Variants in SEL1L3 observed in about 807,000 individuals in gnomAD.
The protein encoded by SEL1L3 is protein sel-1 homolog 3.
A neutral mutation model predicts 142.8 loss-of-function variants in SEL1L3; 76 were observed. The ratio of observed to expected loss-of-function variants is 0.53; its 90% CI spans 0.44 to 0.64. SEL1L3 has a LOEUF of 0.64. Ranked by LOEUF, SEL1L3 falls within the 30% of genes least tolerant of loss-of-function variation. The pLI is 0.00. For synonymous variants in SEL1L3, 504 were observed against 519.6 expected (o/e 0.97, Z 0.41); for missense variants, 1,262 against 1,381.7 (o/e 0.91, Z 1.37).
At chr4:25,732,385 G>T in the SEL1L3 span, among the ~76,000 whole-genome samples, 70 of 152,222 alleles carry the variant, frequency 4.6e-4, no homozygotes, top group Non-Finnish European at 1.3e-4. Context: ...ATACTAACTT[G>T]GGAAGTGTAT....
chr4:25,820,511 C>T (rs537336232), intron 7 of SEL1L3, among the ~76,000 whole-genome samples: 45 of 152,340 alleles, frequency 3.0e-4, no homozygotes, highest in South Asian at 2.1e-3. Context: ...CGAAAGGGAG[C>T]GCCTCAGGAA....
chr4:25,741,344 G>A, the SEL1L3 span, among the ~76,000 whole-genome samples: 7 of 151,486 alleles, frequency 4.6e-5, no homozygotes, highest in South Asian at 8.4e-4. Context: ...CAAGTAATCC[G>A]CCCGCCTCAG....
In SEL1L3 at chr4:25,860,254, T is replaced by C. The variant is rs1052718269; in HGVS notation, c.162+2421A>G. 2.6e-5 allele frequency among the ~76,000 whole-genome samples: 4 copies of C among 152,208 alleles called. No homozygotes were observed. In the East Asian group the frequency reaches 7.7e-4, roughly 29 times the overall value. ...TATTACCATGTAGGCTTTCAAATTA[T>C]GAAAGACCTTTCCTCCTCTAGAGTC... On this transcript the variant is annotated intron_variant, in intron 1 of 23. Coordinates refer to ENST00000399878, the MANE Select transcript of SEL1L3 (RefSeq NM_015187.5).
intron 2 of SEL1L3, among the ~76,000 whole-genome samples, chr4:25,836,294 T>A (rs539839183): frequency 6.6e-6 from 1 of 152,302 alleles, no homozygotes; most frequent in South Asian, 2.1e-4. Context: ...AATTTTTGGT[T>A]TTCCCTATTC....
chr4:25,820,345 A>G (rs1714669229), intron 7 of SEL1L3, among the ~76,000 whole-genome samples: 1 of 152,148 alleles, frequency 6.6e-6, no homozygotes, highest in African/African-American at 2.4e-5. Context: ...AACCTCCAAG[A>G]GCTGGCTGCA....
At chr4:25,820,725 A>G (rs928529249) in intron 7 of SEL1L3, among the ~76,000 whole-genome samples, 1 of 152,196 alleles carries the variant, frequency 6.6e-6, no homozygotes, top group Non-Finnish European at 1.5e-5. Context: ...GTGTGAATAT[A>G]TGTATGCATA....
chr4:25,832,931 T>C (rs1715535076), intron 5 of SEL1L3, 64 bp downstream of exon 5: 4 of 1,008,136 alleles, frequency 4.0e-6, no homozygotes, highest in East Asian at 4.8e-5. Flanking sequence ...CCCGGCTTTA[T>C]AGCAATGCTT....
chr4:25,798,695 G>T lies in SEL1L3; in HGVS notation c.1956+3588C>A, dbSNP rs570135050. 5.1e-4 allele frequency among the ~76,000 whole-genome samples: 77 copies of T among 152,312 alleles called. 1 individual carries two copies. In the Middle Eastern group the frequency reaches 0.017, roughly 34 times the overall value. On this transcript the variant is annotated intron_variant, in intron 11 of 23. Transcript: ENST00000399878. Reference sequence around the variant, plus strand: ...ATACAAAAATTAGCCGGGCGTGGTGGCACATGCCTGTAGTCCCAGCTACTC... The same window carrying T: ...ATACAAAAATTAGCCGGGCGTGGTGTCACATGCCTGTAGTCCCAGCTACTC...
rs149337966 is a variant in SEL1L3 at position 25,757,842 on chromosome 4, G to A, written c.3084-52C>T. On this transcript the variant is annotated intron_variant, in intron 21 of 23. Transcript: ENST00000399878. ...ACGTGTCAGCCAACTTTGGTGGCAC[G>A]ACTCAGGACTGGCATTTTCAGATCC... 65 of 1,294,896 alleles carry A rather than the reference G, an allele frequency of 5.0e-5. No individual in the cohort carries two copies. In the Middle Eastern group the frequency reaches 7.8e-4, roughly 16 times the overall value. The allele number at this position is 1,294,896 out of a possible 1,614,324, so 80.2% of individuals were successfully genotyped here.
intron 11 of SEL1L3, among the ~76,000 whole-genome samples, chr4:25,795,731 G>A (rs1712690572): frequency 6.6e-6 from 1 of 152,194 alleles, no homozygotes; most frequent in Non-Finnish European, 1.5e-5. Flanking sequence ...CTTCTCCATA[G>A]TTCTGGGGTC....
At chr4:25,765,283 C>T (rs548338664) in intron 20 of SEL1L3, 43 bp downstream of exon 20, 18 of 1,366,156 alleles carry the variant, frequency 1.3e-5, no homozygotes, top group Middle Eastern at 1.9e-4. Flanking sequence ...CATGAGCCAC[C>T]GTGCCCGGCC....
chr4:25,743,054 G>GA (rs1382613837), downstream of SEL1L3, among the ~76,000 whole-genome samples: 2 of 152,188 alleles, frequency 1.3e-5, no homozygotes, highest in Non-Finnish European at 2.9e-5. Flanking sequence ...TAAAGCAATA[G>GA]GGAATGGTGG....
chr4:25,830,213 T>A, intron 5 of SEL1L3, 57 bp from the exon 6 acceptor site: 1 of 1,073,764 alleles, frequency 9.3e-7, no homozygotes, highest in Non-Finnish European at 1.4e-6. Flanking sequence ...ACATTACCTA[T>A]GCAGTCCTTT....
chr4:25,763,469 G>A (rs1718514954), intron 20 of SEL1L3, among the ~76,000 whole-genome samples: 2 of 152,120 alleles, frequency 1.3e-5, no homozygotes, highest in African/African-American at 4.8e-5. Flanking sequence ...TGAACAAAGA[G>A]CTATGGAGTG....
chr4:25,817,875 C>G (rs1714496855), intron 9 of SEL1L3, among the ~76,000 whole-genome samples: 1 of 152,158 alleles, frequency 6.6e-6, no homozygotes, highest in South Asian at 2.1e-4. Context: ...TGGCTGCGGC[C>G]TATCCATTTG....
At chr4:25,726,851 G>T in the SEL1L3 span, among the ~76,000 whole-genome samples, 2 of 152,138 alleles carry the variant, frequency 1.3e-5, no homozygotes. Flanking sequence ...CAGACTGGGT[G>T]GCTTTTCCAT....
intron 9 of SEL1L3, among the ~76,000 whole-genome samples, chr4:25,805,084 C>T (rs763500124): frequency 2.0e-5 from 3 of 152,192 alleles, no homozygotes; most frequent in Non-Finnish European, 4.4e-5. Context: ...CCAGAGGGAC[C>T]TTTTCCCCCT....
At chr4:25,757,229 CT>C (rs1260456799) in intron 23 of SEL1L3, among the ~76,000 whole-genome samples, 1 of 152,004 alleles carries the variant, frequency 6.6e-6, no homozygotes, top group Non-Finnish European at 1.5e-5. Flanking sequence ...GATCACACCA[CT>C]GCACTCCAGC....
intron 10 of SEL1L3, 127 bp from the exon 11 acceptor site, chr4:25,802,589 C>T: frequency 2.4e-6 from 2 of 817,366 alleles, no homozygotes; most frequent in Non-Finnish European, 3.8e-6. Flanking sequence ...TGTTAACTTG[C>T]CTTTTTTTTT....
Sources: allele counts gnomAD v4.1 joint callset (sites outside exome capture counted in the v4.1 genomes callset), GRCh38; gene constraint gnomAD v4.1.1; transcripts MANE v1.5; gene names NCBI Gene and HGNC (gene_info 2026-07-23, HGNC 2026-07-21).